The following FBXL7 variants were observed in gnomAD, a reference collection of about 807,000 sequenced individuals.
The protein encoded by FBXL7 is F-box and leucine rich repeat protein 7, also known as F-box/LRR-repeat protein 7.
Under a neutral mutation model 38.3 loss-of-function variants are expected in FBXL7, and 12 were observed. The observed-to-expected ratio is 0.31, with a 90% CI of 0.20 to 0.51. FBXL7 has a LOEUF of 0.51. Ranked by LOEUF, FBXL7 falls within the 20% of genes least tolerant of loss-of-function variation. FBXL7 has a pLI of 0.98. For missense variants in FBXL7, 567 were observed against 676.4 expected (o/e 0.84, Z 1.79); for synonymous variants, 297 against 300.9 (o/e 0.99, Z 0.13).
intron 1 of FBXL7, among the ~76,000 whole-genome samples, chr5:15,556,805 T>C (rs1297005033): frequency 6.6e-6 from 1 of 152,210 alleles, no homozygotes; most frequent in African/African-American, 2.4e-5. Context: ...GGTATATTTA[T>C]TAACCTGGTT....
At chr5:15,638,320 G>C (rs1187513447) in intron 2 of FBXL7, among the ~76,000 whole-genome samples, 4 of 152,130 alleles carry the variant, frequency 2.6e-5, no homozygotes, top group African/African-American at 9.7e-5. Flanking sequence ...TGTGAGGAAG[G>C]CTCAGAAGTG....
chr5:15,820,495 T>C (rs949435941), intron 2 of FBXL7, among the ~76,000 whole-genome samples: 16 of 152,088 alleles, frequency 1.1e-4, no homozygotes, highest in African/African-American at 3.9e-4. Context: ...TTCCTCCCCT[T>C]CCCTCTAGGT....
intron 2 of FBXL7, among the ~76,000 whole-genome samples, chr5:15,818,816 T>C (rs1579490757): frequency 6.6e-6 from 1 of 151,976 alleles, no homozygotes; most frequent in Admixed American, 6.6e-5. Context: ...ATATTAGTTA[T>C]TCATATACCT....
intron 2 of FBXL7, among the ~76,000 whole-genome samples, chr5:15,854,464 T>A (rs1163333824): frequency 6.6e-6 from 1 of 152,160 alleles, no homozygotes; most frequent in Non-Finnish European, 1.5e-5. Flanking sequence ...TGAATGTTAA[T>A]TACATTAGCA....
chr5:15,656,609 T>A (rs1456888687), intron 2 of FBXL7, among the ~76,000 whole-genome samples: 2 of 152,012 alleles, frequency 1.3e-5, no homozygotes, highest in Non-Finnish European at 2.9e-5. Flanking sequence ...ATTATGGGAG[T>A]TACGGCAGCT....
chr5:15,853,251 C>G (rs753627352), intron 2 of FBXL7, among the ~76,000 whole-genome samples: 2 of 152,060 alleles, frequency 1.3e-5, no homozygotes, highest in Non-Finnish European at 2.9e-5. Flanking sequence ...AAGAGCCAGC[C>G]GGCACACCCC....
At chr5:15,688,146 A>T (rs766611015) in intron 2 of FBXL7, among the ~76,000 whole-genome samples, 1 of 152,202 alleles carries the variant, frequency 6.6e-6, no homozygotes, top group Non-Finnish European at 1.5e-5. Context: ...ACAAGGCATT[A>T]TATGATTTCT....
intron 2 of FBXL7, among the ~76,000 whole-genome samples, chr5:15,841,822 G>T (rs1477504107): frequency 1.3e-5 from 2 of 152,210 alleles, no homozygotes; most frequent in African/African-American, 4.8e-5. Context: ...CTTCCACATG[G>T]TGTTGGTCCT....
chr5:15,768,530 CA>C (rs368089745), intron 2 of FBXL7, among the ~76,000 whole-genome samples: 94 of 124,860 alleles, frequency 7.5e-4, no homozygotes, highest in East Asian at 1.4e-3. Flanking sequence ...GACTCTGTCT[CA>C]AAAAAAAAAA....
intron 2 of FBXL7, among the ~76,000 whole-genome samples, chr5:15,672,962 C>T (rs1426170439): frequency 1.3e-5 from 2 of 152,084 alleles, no homozygotes; most frequent in African/African-American, 4.8e-5. Context: ...TTGACCGTTC[C>T]ACCAGATTTT....
chr5:15,916,370 T>TA (rs70938034), intron 2 of FBXL7, among the ~76,000 whole-genome samples: 52,783 of 151,942 alleles, frequency 0.35, 9,450 homozygotes, highest in Admixed American at 0.52. Context: ...GATGCAGAGA[T>TA]GGGGGAGCAT....
chr5:15,846,894 T>C lies in FBXL7; in HGVS notation c.128-80996T>C, dbSNP rs538571433. On this transcript the variant is annotated intron_variant, in intron 2 of 3. Transcript: ENST00000504595. ...GATTTGTGAACACATGAAATTATGCTCAATCTTTTTTTCAAAGATATAGAA... is the reference window on the plus strand; with the variant it reads ...GATTTGTGAACACATGAAATTATGCCCAATCTTTTTTTCAAAGATATAGAA... Among the ~76,000 whole-genome samples, 762 of 152,254 alleles carry C rather than the reference T, an allele frequency of 5.0e-3. 1 individual carries two copies. Among genetic ancestry groups the C allele is most frequent in the Non-Finnish European group, 8.1e-3 (553 of 68,018 alleles).
intron 1 of FBXL7, among the ~76,000 whole-genome samples, chr5:15,507,904 G>A (rs549486519): frequency 3.3e-5 from 5 of 152,148 alleles, no homozygotes; most frequent in East Asian, 1.9e-4. Context: ...TTAGCCGGGT[G>A]TGGTGATGGG....
intron 2 of FBXL7, among the ~76,000 whole-genome samples, chr5:15,777,991 ATATGTATTTTGGAAAAAGG>A (rs1316425349): frequency 2.0e-5 from 3 of 152,048 alleles, no homozygotes; most frequent in Admixed American, 1.3e-4. Context: ...ATTTCCCAAA[ATATGTATTTTGGAAAAAGG>A]TATGTATTTT....
intron 2 of FBXL7, among the ~76,000 whole-genome samples, chr5:15,800,807 G>A (rs899596836): frequency 5.3e-5 from 8 of 152,122 alleles, no homozygotes; most frequent in Non-Finnish European, 1.2e-4. Context: ...TAGTTACCTC[G>A]GAAGTTCCTG....
At chr5:15,670,670 A>G (rs1443352622) in intron 2 of FBXL7, among the ~76,000 whole-genome samples, 4 of 152,090 alleles carry the variant, frequency 2.6e-5, no homozygotes, top group Non-Finnish European at 4.4e-5. Flanking sequence ...GTGCAATGGC[A>G]TGTGCCTGTA....
chr5:15,788,647 C>T (rs1489414860), intron 2 of FBXL7, among the ~76,000 whole-genome samples: 2 of 151,930 alleles, frequency 1.3e-5, no homozygotes, highest in African/African-American at 2.4e-5. Flanking sequence ...CCATTCTGTA[C>T]GTCACTCACT....
rs144430580 is a variant in FBXL7 at position 15,840,662 on chromosome 5, C to T, written c.128-87228C>T. Among the ~76,000 whole-genome samples, 648 of 152,054 alleles carry T rather than the reference C, an allele frequency of 4.3e-3. 6 individuals are homozygous for T. Among genetic ancestry groups the T allele is most frequent in the South Asian group, 0.024 (116 of 4,810 alleles). On this transcript the variant is annotated intron_variant, in intron 2 of 3. Transcript: ENST00000504595. ...AAGGGATGGAGACCATCCTGGCCAGCGTGGTGAAACCCCGTCTCTACTAAA... is the reference window on the plus strand; with the variant it reads ...AAGGGATGGAGACCATCCTGGCCAGTGTGGTGAAACCCCGTCTCTACTAAA...
chr5:15,560,087 A>G (rs931989748), intron 1 of FBXL7, among the ~76,000 whole-genome samples: 12 of 152,324 alleles, frequency 7.9e-5, no homozygotes, highest in African/African-American at 2.6e-4. Flanking sequence ...AATATCTTGC[A>G]TATTGTTTTT....
Sources: gnomAD v4.1 joint callset for allele counts (sites outside exome capture counted in the v4.1 genomes callset) on GRCh38, gnomAD v4.1.1 for gene constraint, MANE v1.5 for transcripts, NCBI Gene and HGNC (gene_info 2026-07-23, HGNC 2026-07-21) for gene names.